The following GPR101 variants were observed in gnomAD, a reference collection of about 807,000 sequenced individuals.
GPR101 encodes probable G protein-coupled receptor 101.
A neutral mutation model predicts 16.4 loss-of-function variants in GPR101; 8 were observed. The observed-to-expected ratio is 0.49, with a 90% CI of 0.29 to 0.88. GPR101 has a LOEUF of 0.88. GPR101 is among the 40% of genes least tolerant of loss of function. The probability of loss-of-function intolerance (pLI) is 0.09; values close to 1 mark genes in which losing one functional copy is unlikely to be tolerated. For missense variants in GPR101, 375 were observed against 411.7 expected, an observed-to-expected ratio of 0.91 and a Z score of 0.77; for synonymous variants, 155 against 168.7, an observed-to-expected ratio of 0.92 and a Z score of 0.63.
chrX:137,027,506 C>T lies in GPR101; in HGVS notation c.*2642G>A, dbSNP rs1425555149. 2.7e-5 allele frequency among the ~76,000 whole-genome samples: 3 copies of T among 111,290 alleles called. No individual in the cohort carries two copies. Among genetic ancestry groups the T allele is most frequent in the Non-Finnish European group, 5.7e-5 (3 of 53,052 alleles). ...CTTTATTCAAAATAGCAAAAAATTT[C>T]GAGTACTTGCTATCTCCAAGCTAAC... On this transcript the variant is annotated 3_prime_UTR_variant, in exon 2 of 2. Coordinates refer to ENST00000651716, the MANE Select transcript of GPR101 (RefSeq NM_054021.2).
At chrX:137,033,500 G>A (rs1187286147) in intron 1 of GPR101, among the ~76,000 whole-genome samples, 2 of 108,449 alleles carry the variant, frequency 1.8e-5, no homozygotes, top group Non-Finnish European at 3.8e-5. Context: ...TGGGAGAGAC[G>A]CAGACAGAAA....
Position 137,031,761 on chromosome X carries a change from C to T in GPR101, c.-87G>A, listed in dbSNP as rs1014414705. ...AGGGGTGCACAGACCGCACTCAGTG[C>T]CTATGCTGGTGACAAAAGAAACACG... On this transcript the variant is annotated 5_prime_UTR_variant, in exon 2 of 2. Coordinates refer to ENST00000651716, the MANE Select transcript of GPR101 (RefSeq NM_054021.2). 3.5e-5 allele frequency: 27 copies of T among 761,375 alleles called. No homozygotes were observed. Among genetic ancestry groups the T allele is most frequent in the East Asian group, 3.4e-5 (1 of 29,532 alleles). The allele number at this position is 761,375 out of a possible 1,213,427, so 62.7% of individuals were successfully genotyped here.
rs184758829 is a variant in GPR101 at position 137,025,656 on chromosome X, G to A, written c.*4492C>T. On this transcript the variant is annotated 3_prime_UTR_variant, in exon 2 of 2. Transcript: ENST00000651716. ...TGGTGTGTGTACTCTGAGATATGGAGGCTTTGGGAGGCAATGATGGAAACA... is the reference window on the plus strand; with the variant it reads ...TGGTGTGTGTACTCTGAGATATGGAAGCTTTGGGAGGCAATGATGGAAACA... Among the ~76,000 whole-genome samples, 1 of 112,257 alleles carries A rather than the reference G, an allele frequency of 8.9e-6. No homozygotes were observed. The highest frequency in any genetic ancestry group is 2.8e-4 in the East Asian group (1 of 3,568).
At position 137,031,306 on chromosome X, in the gene GPR101, G is replaced by T; in HGVS notation, c.369C>A (p.Val123=). The T allele has an allele frequency of 8.3e-7, 1 of 1,208,732 alleles. No individual in the cohort carries two copies. Among genetic ancestry groups the T allele is most frequent in the Non-Finnish European group, 1.1e-6 (1 of 893,876 alleles). ...ACAAGTAGCGATCCACTGACACCAC[G>T]ACAATGGTGTTGACGCTGGCGAAGG... ...LFAFASVNTI[V]VVSVDRYLSI... The change falls in exon 2 of 2, where the codon GTC becomes GTA. Residue 123 remains valine (V), a synonymous_variant. Coordinates refer to ENST00000651716, the MANE Select transcript of GPR101 (RefSeq NM_054021.2).
At position 137,030,254 on chromosome X, in the gene GPR101, CAGA is replaced by C. The variant is rs1357405536; in HGVS notation, c.1418_1420del (p.Phe473del). On this transcript the variant is annotated inframe_deletion, in exon 2 of 2. Transcript: ENST00000651716. ...ATCTTCTTTCGGGGGCTTTTCCTTG[CAGA>C]AGAACTTCTTCAGCATGTCCTGGAT... The C allele has an allele frequency of 1.7e-6, 2 of 1,211,503 alleles. No individual in the cohort carries two copies. Among genetic ancestry groups the C allele is most frequent in the East Asian group, 5.9e-5 (2 of 33,857 alleles).
chrX:137,027,271 G>T lies in GPR101; in HGVS notation c.*2877C>A, dbSNP rs1214957132. 1.0e-5 allele frequency among the ~76,000 whole-genome samples: 1 copy of T among 99,155 alleles called. No homozygotes were observed. The highest frequency in any genetic ancestry group is 3.7e-5 in the African/African-American group (1 of 26,955). 86.1% of individuals were successfully genotyped at this position (99,155 alleles called of 115,157 possible). On this transcript the variant is annotated 3_prime_UTR_variant, in exon 2 of 2. Transcript: ENST00000651716. ...ATCACATCATTTCATAGTCTGGTTT[G>T]TCTGGCCCCTGTACTTTAATGGGAT...
At position 137,026,386 on chromosome X, in the gene GPR101, A is replaced by T. The variant is rs1927168582; in HGVS notation, c.*3762T>A. Among the ~76,000 whole-genome samples, 1 of 112,099 alleles carries T rather than the reference A, an allele frequency of 8.9e-6. No homozygotes were observed. The highest frequency in any genetic ancestry group is 3.7e-4 in the South Asian group (1 of 2,705). On this transcript the variant is annotated 3_prime_UTR_variant, in exon 2 of 2. Transcript: ENST00000651716. ...TTTTATCTTGAGAGTCCAAATTACC[A>T]GATGATGCGTATTTTTTTTCTTCCA... is the stretch of plus-strand genomic sequence containing the variant.
Position 137,030,691 on chromosome X carries a change from C to T in GPR101, c.984G>A (p.Glu328=), listed in dbSNP as rs753600172. The change falls in exon 2 of 2, where the codon GAG becomes GAA. Residue 328 remains glutamate, a synonymous_variant. Transcript: ENST00000651716. ...MEGKEGSTKV[E]ENSMKADKGR... ...CCTTGTCTGCCTTCATGCTGTTCTC[C>T]TCAACTTTGGTGCTGCCTTCCTTAC... 2 of 1,211,545 alleles carry T rather than the reference C, an allele frequency of 1.7e-6. No individual in the cohort carries two copies. The highest frequency in any genetic ancestry group is 3.5e-5 in the South Asian group (2 of 56,918).
chrX:137,029,929 A>G lies in GPR101; in HGVS notation c.*219T>C, dbSNP rs931394958. ...GTAGAGCCTAATAATCTTTGGGGGG[A>G]AAATTTCAGTCAGAATCCTCAAGTC... On this transcript the variant is annotated 3_prime_UTR_variant, in exon 2 of 2. Transcript: ENST00000651716. Among the ~76,000 whole-genome samples, 1 of 112,020 alleles carries G rather than the reference A, an allele frequency of 8.9e-6. No individual in the cohort carries two copies. The highest frequency in any genetic ancestry group is 3.2e-5 in the African/African-American group (1 of 30,861).
Position 137,024,924 on chromosome X carries a change from G to A in GPR101, c.*5224C>T. 8.9e-6 allele frequency among the ~76,000 whole-genome samples: 1 copy of A among 111,856 alleles called. No individual in the cohort carries two copies. Among genetic ancestry groups the A allele is most frequent in the Non-Finnish European group, 1.9e-5 (1 of 53,210 alleles). ...CTGGACTCTACTTGCCTATCCTGGA[G>A]TCCTTCCTTTTTAATGGAGAAGGAT... On this transcript the variant is annotated 3_prime_UTR_variant, in exon 2 of 2. Coordinates refer to ENST00000651716, the MANE Select transcript of GPR101 (RefSeq NM_054021.2).
In GPR101 at chrX:137,031,014, T is replaced by C. The variant is rs1179746730; in HGVS notation, c.661A>G (p.Arg221Gly). The C allele has an allele frequency of 8.3e-7, 1 of 1,212,088 alleles. No individual in the cohort carries two copies. Among genetic ancestry groups the C allele is most frequent in the Admixed American group, 2.2e-5 (1 of 46,118 alleles). Residue 221 changes from arginine to glycine, a missense_variant, in exon 2 of 2, where the codon AGG becomes GGG. Coordinates refer to ENST00000651716, the MANE Select transcript of GPR101 (RefSeq NM_054021.2). Reference sequence around the variant, plus strand: ...ACATTGTACAGCAGAGCATGCTGCCTCCGGGCTGCACAGAACACCACGGAG... The same window carrying C: ...ACATTGTACAGCAGAGCATGCTGCCCCCGGGCTGCACAGAACACCACGGAG... ...CYSVVFCAAR[R>G]QHALLYNVKR... is the part of the protein sequence containing the mutation.
At position 137,030,389 on chromosome X, in the gene GPR101, G is replaced by A. The variant is rs927857665; in HGVS notation, c.1286C>T (p.Thr429Ile). The A allele has an allele frequency of 5.8e-6, 7 of 1,210,365 alleles. No individual in the cohort carries two copies. Among genetic ancestry groups the A allele is most frequent in the South Asian group, 1.8e-5 (1 of 56,547 alleles). Residue 429 changes from threonine (T) to isoleucine (I), a missense_variant, in exon 2 of 2, where the codon ACC becomes ATC. By Grantham distance (89) the Thr-to-Ile change is moderately conservative. Coordinates refer to ENST00000651716, the MANE Select transcript of GPR101 (RefSeq NM_054021.2). The stretch of plus-strand genomic sequence containing the variant: ...GGTGATCACCCACTGGGGTACCTGG[G>A]TTTCGACATCCACCCACACGGCCAG... Reference protein sequence around the residue: ...AVLAVWVDVETQVPQWVITII... With the variant: ...AVLAVWVDVEIQVPQWVITII...
rs1251782823 is a variant in GPR101 at position 137,024,973 on chromosome X, A to G, written c.*5175T>C. On this transcript the variant is annotated 3_prime_UTR_variant, in exon 2 of 2. Transcript: ENST00000651716. The stretch of plus-strand genomic sequence containing the variant: ...ATGGTCTTCTTTGAGTTTGCATTCT[A>G]TATATTCAGTGAATAGAAAACAGGC... Among the ~76,000 whole-genome samples the G allele has an allele frequency of 3.6e-5, 4 of 111,687 alleles. No individual in the cohort carries two copies. Among genetic ancestry groups the G allele is most frequent in the African/African-American group, 1.3e-4 (4 of 30,689 alleles).
Position 137,031,382 on chromosome X carries a change from G to T in GPR101, c.293C>A (p.Pro98His). ...VVATSVPLFWPLNSHFCTALV... is the reference protein window; with the variant it reads ...VVATSVPLFWHLNSHFCTALV... ...GGCCGTGCAGAAGTGGCTGTTGAGG[G>T]GCCAGAAGAGAGGCACAGAGGTGGC... The change falls in exon 2 of 2, where the codon CCC becomes CAC. Residue 98 changes from proline (P) to histidine (H), a missense_variant. Physicochemically the swap from Pro to His is moderately conservative, Grantham distance 77 (BLOSUM62 -2). Coordinates refer to ENST00000651716, the MANE Select transcript of GPR101 (RefSeq NM_054021.2). 26 of 1,193,305 alleles carry T rather than the reference G, an allele frequency of 2.2e-5. No individual in the cohort carries two copies. The highest frequency in any genetic ancestry group is 2.9e-5 in the Non-Finnish European group (26 of 885,998).
In GPR101 at chrX:137,031,404, TGGCCACCACCCAGGG is replaced by T. The variant is rs1317934751; in HGVS notation, c.256_270del (p.Pro86_Ala90del). 1.7e-6 allele frequency: 2 copies of T among 1,187,900 alleles called. No homozygotes were observed. Among genetic ancestry groups the T allele is most frequent in the Non-Finnish European group, 2.3e-6 (2 of 883,546 alleles). On this transcript the variant is annotated inframe_deletion, in exon 2 of 2. Transcript: ENST00000651716. ...AGGGGCCAGAAGAGAGGCACAGAGG[TGGCCACCACCCAGGG>T]GGCCACGAGCGAAATCTGCAGCAGG...
Position 137,030,360 on chromosome X carries a change from T to C in GPR101, c.1315A>G (p.Ile439Val). The C allele has an allele frequency of 8.3e-7, 1 of 1,209,681 alleles. No homozygotes were observed. Among genetic ancestry groups the C allele is most frequent in the Middle Eastern group, 2.3e-4 (1 of 4,344 alleles). ...CACTGCAGGAAGAAAAGCCAGATGA[T>C]TATGGTGATCACCCACTGGGGTACC... The part of the protein sequence containing the change: ...TQVPQWVITI[I>V]IWLFFLQCCI... Residue 439 changes from isoleucine to valine, a missense_variant, in exon 2 of 2, where the codon ATC becomes GTC. By Grantham distance (29) the Ile-to-Val change is conservative. Coordinates refer to ENST00000651716, the MANE Select transcript of GPR101 (RefSeq NM_054021.2).
chrX:137,024,050 C>A lies in GPR101; in HGVS notation c.*6098G>T, dbSNP rs1602596659. On this transcript the variant is annotated 3_prime_UTR_variant, in exon 2 of 2. Coordinates refer to ENST00000651716, the MANE Select transcript of GPR101 (RefSeq NM_054021.2). ...TAATACTTAGTTAAATCACAAACAT[C>A]AATTTCTCCGCATTTCCCAAGCAGG... Among the ~76,000 whole-genome samples, 1 of 111,933 alleles carries A rather than the reference C, an allele frequency of 8.9e-6. No homozygotes were observed. The highest frequency in any genetic ancestry group is 3.2e-5 in the African/African-American group (1 of 30,790).
Position 137,024,914 on chromosome X carries a change from C to G in GPR101, c.*5234G>C, listed in dbSNP as rs1927147829. Among the ~76,000 whole-genome samples, 1 of 112,014 alleles carries G rather than the reference C, an allele frequency of 8.9e-6. No individual in the cohort carries two copies. The highest frequency in any genetic ancestry group is 1.9e-5 in the Non-Finnish European group (1 of 53,228). On this transcript the variant is annotated 3_prime_UTR_variant, in exon 2 of 2. Coordinates refer to ENST00000651716, the MANE Select transcript of GPR101 (RefSeq NM_054021.2). ...GTCCTGCTAACTGGACTCTACTTGC[C>G]TATCCTGGAGTCCTTCCTTTTTAAT...
At position 137,030,254 on chromosome X, in the gene GPR101, C is replaced by T; in HGVS notation, c.1421G>A (p.Cys474Tyr). 7 of 1,211,503 alleles carry T rather than the reference C, an allele frequency of 5.8e-6. No individual in the cohort carries two copies. Among genetic ancestry groups the T allele is most frequent in the Non-Finnish European group, 7.8e-6 (7 of 895,351 alleles). The change falls in exon 2 of 2, where the codon TGC becomes TAC. Residue 474 changes from cysteine (C) to tyrosine (Y), a missense_variant. By Grantham distance (194) the Cys-to-Tyr change is radical (BLOSUM62 -2). Transcript: ENST00000651716. Reference sequence around the variant, plus strand: ...ATCTTCTTTCGGGGGCTTTTCCTTGCAGAAGAACTTCTTCAGCATGTCCTG... The same window carrying T: ...ATCTTCTTTCGGGGGCTTTTCCTTGTAGAAGAACTTCTTCAGCATGTCCTG... ...EIQDMLKKFF[C>Y]KEKPPKEDSH...
Sources: gnomAD v4.1 joint callset for allele counts (sites outside exome capture counted in the v4.1 genomes callset) on GRCh38, gnomAD v4.1.1 for gene constraint, MANE v1.5 for transcripts, NCBI Gene and HGNC (gene_info 2026-07-23, HGNC 2026-07-21) for gene names.